The following PIP5K1B variants were observed in gnomAD, a reference collection of about 807,000 sequenced individuals.
The protein encoded by PIP5K1B is phosphatidylinositol-4-phosphate 5-kinase type 1 beta.
PIP5K1B carries 42 observed loss-of-function variants against 67.0 expected under a neutral mutation model. The observed-to-expected ratio is 0.63, with a 90% CI of 0.49 to 0.81. The LOEUF (loss-of-function observed/expected upper bound fraction) is 0.81. PIP5K1B is among the 30% of genes least tolerant of loss of function. The pLI is 0.00. For missense variants in PIP5K1B, 459 were observed against 646.3 expected (o/e 0.71, Z 3.14); for synonymous variants, 214 against 231.4 (o/e 0.92, Z 0.68).
At chr9:68,874,466 A>G (rs537097819) in intron 5 of PIP5K1B, among the ~76,000 whole-genome samples, 1 of 152,306 alleles carries the variant, frequency 6.6e-6, no homozygotes, top group African/African-American at 2.4e-5. Context: ...CTCCAGGGAA[A>G]CCTAACACTA....
At chr9:68,822,342 T>G in intron 3 of PIP5K1B, 1 of 262,960 alleles carries the variant, frequency 3.8e-6, no homozygotes, top group Non-Finnish European at 7.1e-6. Flanking sequence ...AAAAAAAGCT[T>G]TGTAGAAAGA....
intron 11 of PIP5K1B, among the ~76,000 whole-genome samples, chr9:68,922,418 C>T (rs1239585404): frequency 2.0e-5 from 3 of 148,656 alleles, no homozygotes; most frequent in Non-Finnish European, 3.0e-5. Flanking sequence ...AGCCGAGATC[C>T]GCCACTGCAC....
intron 4 of PIP5K1B, among the ~76,000 whole-genome samples, chr9:68,850,153 A>G (rs953241584): frequency 4.6e-5 from 7 of 152,312 alleles, no homozygotes; most frequent in Admixed American, 2.6e-4. Flanking sequence ...AACAAAAGCG[A>G]TTAAAGAAGC....
chr9:68,967,275 G>A (rs1480287212), intron 14 of PIP5K1B, among the ~76,000 whole-genome samples: 1 of 152,186 alleles, frequency 6.6e-6, no homozygotes, highest in Non-Finnish European at 1.5e-5. Flanking sequence ...ATAACAGATT[G>A]TAGTTCCTTG....
At chr9:68,728,917 G>C (rs1182577594) in intron 1 of PIP5K1B, 1 of 152,170 alleles carries the variant, frequency 6.6e-6, no homozygotes, top group Non-Finnish European at 1.5e-5. Context: ...ATGAGCTGCT[G>C]GGGAAGTCAA....
chr9:68,769,357 T>C (rs1456704028), intron 2 of PIP5K1B, among the ~76,000 whole-genome samples: 2 of 152,218 alleles, frequency 1.3e-5, no homozygotes, highest in African/African-American at 2.4e-5. Context: ...CTGTCACTTA[T>C]ACTGTGTTTT....
intron 1 of PIP5K1B, among the ~76,000 whole-genome samples, chr9:68,716,637 T>G (rs1304688874): frequency 6.6e-6 from 1 of 152,220 alleles, no homozygotes; most frequent in Non-Finnish European, 1.5e-5. Context: ...TTGCTTGGTT[T>G]GCAAATTTGT....
intron 4 of PIP5K1B, among the ~76,000 whole-genome samples, chr9:68,835,486 T>C (rs1834554675): frequency 6.6e-6 from 1 of 152,214 alleles, no homozygotes; most frequent in African/African-American, 2.4e-5. Context: ...GCTGTACAAA[T>C]ATCAAATTGC....
At chr9:68,863,212 A>C (rs924781001) in intron 4 of PIP5K1B, among the ~76,000 whole-genome samples, 1 of 152,210 alleles carries the variant, frequency 6.6e-6, no homozygotes, top group African/African-American at 2.4e-5. Context: ...AGATATCATC[A>C]GATGTTCCTG....
intron 8 of PIP5K1B, among the ~76,000 whole-genome samples, chr9:68,911,474 C>T (rs760338020): frequency 2.0e-5 from 3 of 151,666 alleles, no homozygotes; most frequent in Non-Finnish European, 4.4e-5. Context: ...TTGGGTGACT[C>T]AGTGAAGGAA....
intron 12 of PIP5K1B, among the ~76,000 whole-genome samples, chr9:68,924,317 G>A (rs1168997159): frequency 4.8e-5 from 7 of 144,758 alleles, no homozygotes; most frequent in African/African-American, 1.3e-4. Flanking sequence ...CAGGAGAATC[G>A]CTTGAACCCA....
intron 8 of PIP5K1B, among the ~76,000 whole-genome samples, chr9:68,911,109 C>T (rs1401659080): frequency 6.6e-6 from 1 of 152,206 alleles, no homozygotes; most frequent in South Asian, 2.1e-4. Flanking sequence ...CATGGTGGCT[C>T]ACGCCTGTAA....
chr9:68,917,236 G>A (rs1013075041), intron 8 of PIP5K1B, among the ~76,000 whole-genome samples: 1 of 152,184 alleles, frequency 6.6e-6, no homozygotes, highest in African/African-American at 2.4e-5. Context: ...ATGCAAATGA[G>A]CTTCCTAGCA....
chr9:68,842,493 C>T (rs1412481327), intron 4 of PIP5K1B, among the ~76,000 whole-genome samples: 2 of 152,208 alleles, frequency 1.3e-5, no homozygotes, highest in African/African-American at 4.8e-5. Flanking sequence ...ATATGAGACA[C>T]TCCATTGATG....
chr9:68,997,703 T>A (rs145031253), intron 15 of PIP5K1B, among the ~76,000 whole-genome samples: 27 of 152,286 alleles, frequency 1.8e-4, no homozygotes, highest in African/African-American at 6.3e-4. Context: ...AAAATGGACC[T>A]CCCATTGCCC....
chr9:68,839,680 G>A (rs1375809165), intron 4 of PIP5K1B, among the ~76,000 whole-genome samples: 2 of 152,210 alleles, frequency 1.3e-5, no homozygotes, highest in Non-Finnish European at 2.9e-5. Flanking sequence ...ACTTGAATGT[G>A]TATAAAACAT....
chr9:68,968,713 A>ATTTTT lies in PIP5K1B; in HGVS notation c.1503-22426_1503-22425insTTTTT, dbSNP rs146620576. ...GATCCTTGTTTATATATATATATAT[A>ATTTTT]TATTTTTTTTTTGCATGTGTTGACT... On this transcript the variant is annotated intron_variant, in intron 14 of 15. Coordinates refer to ENST00000265382, the MANE Select transcript of PIP5K1B (RefSeq NM_003558.4). Among the ~76,000 whole-genome samples the ATTTTT allele has an allele frequency of 3.7e-3, 531 of 142,872 alleles. 3 individuals carry two copies. The highest frequency in any genetic ancestry group is 0.013 in the African/African-American group (497 of 38,194). The allele number at this position is 142,872 out of a possible 152,430, so 93.7% of individuals were successfully genotyped here.
rs1827533186 is a variant in PIP5K1B, at chr9:68,940,985, C to T, written c.1502+195C>T. On this transcript the variant is annotated intron_variant, in intron 14 of 15. Transcript: ENST00000265382. ...TGGAGGGAAAACCCTCATGATTTTT[C>T]TTTACAGTTGATCATTATGTCATGT... 6 of 675,560 alleles carry T rather than the reference C, an allele frequency of 8.9e-6. No homozygotes were observed. The South Asian group carries it at 9.2e-5, about 10-fold the overall frequency. The allele number at this position is 675,560 out of a possible 1,614,324, so 41.8% of individuals were successfully genotyped here.
chr9:68,896,241 T>C (rs1825075611), intron 8 of PIP5K1B, among the ~76,000 whole-genome samples: 1 of 152,182 alleles, frequency 6.6e-6, no homozygotes, highest in Non-Finnish European at 1.5e-5. Context: ...CAGAGTTTAG[T>C]GTCAGCCTCT....
Sources: allele counts gnomAD v4.1 joint callset (sites outside exome capture counted in the v4.1 genomes callset), GRCh38; gene constraint gnomAD v4.1.1; transcripts MANE v1.5; gene names NCBI Gene and HGNC (gene_info 2026-07-23, HGNC 2026-07-21).